TMEM8B: variants seen among roughly 807,000 people sequenced by gnomAD.
TMEM8B encodes the protein transmembrane protein 8B.
In TMEM8B, 29 loss-of-function variants were observed where a neutral mutation model predicts 49.3. That is an observed-to-expected ratio of 0.59 (90% confidence interval 0.44 to 0.80). The LOEUF (loss-of-function observed/expected upper bound fraction) is 0.80, where lower values mean the gene tolerates loss of function less well. TMEM8B is among the 30% of genes least tolerant of loss of function. The pLI, the probability that TMEM8B is intolerant of heterozygous loss-of-function variation, is 0.00. For missense variants in TMEM8B, 575 were observed against 658.5 expected (o/e 0.87, Z 1.39); for synonymous variants, 264 against 272.8 (o/e 0.97, Z 0.32).
In TMEM8B at chr9:35,853,230, C is replaced by T. The variant is rs368964111; in HGVS notation, c.2412C>T (p.Phe804=). Residue 804 remains phenylalanine (F), a synonymous_variant, in exon 12 of 13, where the codon TTC becomes TTT. Transcript: ENST00000643932. This position sits in a 1 kb window ranked among gnomAD's most constrained non-coding sequence, Gnocchi z 4.2. ...GGAACCTGCTTGGACCCAGTCTCTTCGCCCTGGGGATCTTGGCCACAGCCT... is the reference window on the plus strand; with the variant it reads ...GGAACCTGCTTGGACCCAGTCTCTTTGCCCTGGGGATCTTGGCCACAGCCT... The part of the protein sequence containing the change: ...GLWNLLGPSL[F]ALGILATAWT... 32 of 1,613,918 alleles carry T rather than the reference C, an allele frequency of 2.0e-5. No individual in the cohort carries two copies. Among genetic ancestry groups the T allele is most frequent in the Admixed American group, 3.3e-5 (2 of 60,012 alleles).
Position 35,846,015 on chromosome 9 carries a change from T to TG in TMEM8B, c.1677dup (p.Thr560AspfsTer172). On this transcript the variant is annotated frameshift_variant, in exon 7 of 13. Coordinates refer to ENST00000643932, the MANE Select transcript of TMEM8B (RefSeq NM_001042590.4). LOFTEE classifies it high-confidence loss of function. ...GAAAACGTGACGGTGTTTGGATGCT[T>TG]GACTCACGAGGTGCCCTTGAGCCTG... 1 of 1,613,642 alleles carries TG rather than the reference T, an allele frequency of 6.2e-7. No homozygotes were observed. The highest frequency in any genetic ancestry group is 2.2e-5 in the East Asian group (1 of 44,846).
rs774670522 is a variant in TMEM8B at position 35,860,161 on chromosome 9, C to T, written c.*6321C>T. The stretch of plus-strand genomic sequence containing the variant: ...CAGATCTGCAATCTGGCCTTCTCAG[C>T]GCTGCAGTTCTGTGGACGTCACTGA... On this transcript the variant is annotated 3_prime_UTR_variant, in exon 13 of 13. Coordinates refer to ENST00000643932, the MANE Select transcript of TMEM8B (RefSeq NM_001042590.4). The T allele has an allele frequency of 9.2e-5, 14 of 152,244 alleles. No homozygotes were observed. Among genetic ancestry groups the T allele is most frequent in the African/African-American group, 2.7e-4 (11 of 41,456 alleles). 9.4% of individuals were successfully genotyped at this position (152,244 alleles called of 1,614,324 possible). A position where few individuals can be genotyped will look rare whatever the true frequency, so the allele number is the denominator to read the frequency against.
chr9:35,831,279 C>T (rs555592951), intron 1 of TMEM8B, among the ~76,000 whole-genome samples: 3 of 152,168 alleles, frequency 2.0e-5, no homozygotes, highest in East Asian at 3.9e-4. Flanking sequence ...ATCTTCTGAG[C>T]GCCTGTGTTA....
rs548047767 is a variant in TMEM8B at position 35,836,018 on chromosome 9, G to A, written c.906+800G>A. ...GCTGTTGTCAGAGTGGGATGGCCAC[G>A]TGCATGGGGCCTGTGGTGAGGGTGA... On this transcript the variant is annotated intron_variant, in intron 3 of 12. Coordinates refer to ENST00000643932, the MANE Select transcript of TMEM8B (RefSeq NM_001042590.4). 2.4e-3 allele frequency among the ~76,000 whole-genome samples: 371 copies of A among 152,358 alleles called. 2 individuals are homozygous for A. Among genetic ancestry groups the A allele is most frequent in the Non-Finnish European group, 4.0e-3 (269 of 68,028 alleles).
At chr9:35,840,554 A>G (rs528549559) in intron 3 of TMEM8B, among the ~76,000 whole-genome samples, 8 of 152,124 alleles carry the variant, frequency 5.3e-5, no homozygotes, top group African/African-American at 1.9e-4. Context: ...TGCACTCATT[A>G]CCTGTGTAGG....
Position 35,835,018 on chromosome 9 carries a change from C to T in TMEM8B, c.706C>T (p.Arg236Trp), listed in dbSNP as rs1358571301. 3 of 415,752 alleles carry T rather than the reference C, an allele frequency of 7.2e-6. No homozygotes were observed. Among genetic ancestry groups the T allele is most frequent in the Non-Finnish European group, 4.4e-6 (1 of 226,398 alleles). The allele number at this position is 415,752 out of a possible 1,614,324, so 25.8% of individuals were successfully genotyped here. ...CPDQSVTVYFRSGAPPVINPL... is the reference protein window; with the variant it reads ...CPDQSVTVYFWSGAPPVINPL... Reference sequence around the variant, plus strand: ...CTAATTCTGGTCCCCCAGGTATTTCCGGTCCGGGGCACCCCCTGTCATCAA... The same window carrying T: ...CTAATTCTGGTCCCCCAGGTATTTCTGGTCCGGGGCACCCCCTGTCATCAA... The change falls in exon 3 of 13, where the codon CGG (arginine) becomes TGG (tryptophan). Residue 236 changes from arginine (R) to tryptophan (W), a missense_variant. Arg to Trp is a moderately radical substitution (Grantham distance 101). Coordinates refer to ENST00000643932, the MANE Select transcript of TMEM8B (RefSeq NM_001042590.4).
chr9:35,849,634 A>G (rs1831962173), intron 10 of TMEM8B, among the ~76,000 whole-genome samples: 1 of 152,342 alleles, frequency 6.6e-6, no homozygotes, highest in Middle Eastern at 3.4e-3. Context: ...AACAGATGAT[A>G]TTGCTCCCTT....
intron 10 of TMEM8B, among the ~76,000 whole-genome samples, chr9:35,849,135 C>T (rs1010153081): frequency 8.5e-5 from 13 of 152,096 alleles, no homozygotes; most frequent in African/African-American, 3.1e-4. Context: ...CCTTGCCATT[C>T]GTAGACTTAT....
At position 35,846,065 on chromosome 9, in the gene TMEM8B, A is replaced by C. The variant is rs1190362437; in HGVS notation, c.1726A>C (p.Lys576Gln). The change falls in exon 7 of 13, where the codon AAA becomes CAA. Residue 576 changes from lysine (K) to glutamine (Q), a missense_variant. Coordinates refer to ENST00000643932, the MANE Select transcript of TMEM8B (RefSeq NM_001042590.4). ...GGGGGATGCAGCAGTGACCTGTTCC[A>C]AAGGTGAGGTGAGGAATGGGGGAGG... is the stretch of plus-strand genomic sequence containing the variant. ...SLGDAAVTCS[K>Q]ESLAGFLLSV... The C allele has an allele frequency of 6.2e-7, 1 of 1,613,472 alleles. No individual in the cohort carries two copies. The highest frequency in any genetic ancestry group is 1.3e-5 in the African/African-American group (1 of 74,774).
chr9:35,840,117 A>G (rs1588143176), intron 3 of TMEM8B, among the ~76,000 whole-genome samples: 1 of 152,216 alleles, frequency 6.6e-6, no homozygotes, highest in South Asian at 2.1e-4. Flanking sequence ...GTGCTGCAGA[A>G]GAGGAACTGC....
intron 1 of TMEM8B, among the ~76,000 whole-genome samples, chr9:35,833,705 C>T (rs1011856632): frequency 1.3e-5 from 2 of 152,204 alleles, no homozygotes; most frequent in South Asian, 2.1e-4. Flanking sequence ...CCCCGGCCCC[C>T]ACCTACTAGC....
intron 1 of TMEM8B, chr9:35,833,432 G>A (rs1193905348): frequency 5.4e-6 from 5 of 918,724 alleles, no homozygotes; most frequent in Non-Finnish European, 6.5e-6. Context: ...CCTGCCATTT[G>A]GGACCCTCTT....
At chr9:35,851,532 T>C (rs1832135912) in intron 10 of TMEM8B, among the ~76,000 whole-genome samples, 1 of 152,208 alleles carries the variant, frequency 6.6e-6, no homozygotes, top group South Asian at 2.1e-4. Context: ...AATTTAACAG[T>C]ATATTAAGAG....
In TMEM8B at chr9:35,860,232, TC is replaced by T. The variant is rs1341300203; in HGVS notation, c.*6396del. The T allele has an allele frequency of 6.6e-6, 1 of 152,204 alleles. No individual in the cohort carries two copies. Among genetic ancestry groups the T allele is most frequent in the African/African-American group, 2.4e-5 (1 of 41,464 alleles). 9.4% of individuals were successfully genotyped at this position (152,204 alleles called of 1,614,324 possible). ...TAGTCCCCTAGGCTCCTCTCTGCTC[TC>T]CCCAGGATGGGGTCAGAGGAGACAG... is the stretch of plus-strand genomic sequence containing the variant. On this transcript the variant is annotated 3_prime_UTR_variant, in exon 13 of 13. Transcript: ENST00000643932.
chr9:35,851,126 T>G (rs936253671), intron 10 of TMEM8B, among the ~76,000 whole-genome samples: 2 of 152,194 alleles, frequency 1.3e-5, no homozygotes, highest in African/African-American at 4.8e-5. Flanking sequence ...TTTATTTATT[T>G]ATTTTTGAGG....
intron 10 of TMEM8B, among the ~76,000 whole-genome samples, chr9:35,851,536 T>G (rs1024299087): frequency 1.3e-5 from 2 of 152,208 alleles, no homozygotes; most frequent in African/African-American, 4.8e-5. Flanking sequence ...TAACAGTATA[T>G]TAAGAGGGAA....
chr9:35,834,152 G>A (rs1319527291), intron 1 of TMEM8B, among the ~76,000 whole-genome samples: 1 of 152,018 alleles, frequency 6.6e-6, no homozygotes, highest in African/African-American at 2.4e-5. Flanking sequence ...AAGTCAAAGG[G>A]TCTTAGTTTT....
rs1231211027 is a variant in TMEM8B, at chr9:35,841,738, C to T, written c.1253C>T (p.Thr418Ile). ...WGHWVYVRVE[T>I]SSRGPGRTIR... The stretch of plus-strand genomic sequence containing the variant: ...CACTGGGTCTACGTGCGTGTGGAAA[C>T]ATCATCCCGGGGCCCTGGTAGGACC... Residue 418 changes from threonine (T) to isoleucine (I), a missense_variant, in exon 5 of 13, where the codon ACA becomes ATA. By Grantham distance (89) the Thr-to-Ile change is moderately conservative (BLOSUM62 -1). Transcript: ENST00000643932. The surrounding 1 kb of genome is among the most constrained non-coding windows in gnomAD (Gnocchi z 5.9). The T allele has an allele frequency of 9.6e-6, 4 of 415,898 alleles. No homozygotes were observed. Among genetic ancestry groups the T allele is most frequent in the Admixed American group, 4.4e-5 (1 of 22,732 alleles). The allele number at this position is 415,898 out of a possible 1,614,324, so 25.8% of individuals were successfully genotyped here.
At position 35,852,857 on chromosome 9, in the gene TMEM8B, G is replaced by A. The variant is rs754667509; in HGVS notation, c.2206G>A (p.Val736Met). 8.7e-6 allele frequency: 14 copies of A among 1,614,020 alleles called. No homozygotes were observed. Among genetic ancestry groups the A allele is most frequent in the Admixed American group, 5.0e-5 (3 of 59,998 alleles). ...TCATGCCTGTGACCAGCCAGGCATC[G>A]TGGTTTTCTGCATCATGGACTACGA... ...FYHACDQPGI[V>M]VFCIMDYDVL... The change falls in exon 11 of 13, where the codon GTG (valine) becomes ATG (methionine). Residue 736 changes from valine (V) to methionine (M), a missense_variant. By Grantham distance (21) the Val-to-Met change is conservative. Coordinates refer to ENST00000643932, the MANE Select transcript of TMEM8B (RefSeq NM_001042590.4).
Sources: gnomAD v4.1 joint callset for allele counts (sites outside exome capture counted in the v4.1 genomes callset) on GRCh38, gnomAD v4.1.1 for gene constraint, Gnocchi (gnomAD v3.1) non-coding constraint, MANE v1.5 for transcripts, NCBI Gene and HGNC (gene_info 2026-07-23, HGNC 2026-07-21) for gene names.